The following TLK1 variants were observed in gnomAD, a reference collection of about 807,000 sequenced individuals.
The protein encoded by TLK1 is serine/threonine-protein kinase tousled-like 1.
In TLK1, 24 loss-of-function variants were observed where a neutral mutation model predicts 105.3. The observed-to-expected ratio is 0.23, with a 90% confidence interval of 0.17 to 0.32. The LOEUF (loss-of-function observed/expected upper bound fraction) is 0.32, where lower values mean the gene tolerates loss of function less well. Among genes scored for constraint, TLK1 ranks in the 10% least tolerant of loss-of-function variants. TLK1 has a pLI of 1.00. For synonymous variants in TLK1, 321 were observed against 310.4 expected (o/e 1.03, Z -0.36); for missense variants, 558 against 910.5 (o/e 0.61, Z 4.98).
chr2:171,073,879 C>CG lies in TLK1; in HGVS notation c.330+8901_330+8902insC, dbSNP rs951331241. 5.8e-4 allele frequency among the ~76,000 whole-genome samples: 56 copies of CG among 97,048 alleles called. 2 individuals carry two copies. Among genetic ancestry groups the CG allele is most frequent in the East Asian group, 3.5e-3 (4 of 1,140 alleles). 63.7% of individuals were successfully genotyped at this position (97,048 alleles called of 152,430 possible). ...AGAGAATAAACTTAACATTCCCCCC[C>CG]CCCCTCCTTTTTTTTTCTTTCTTTT... On this transcript the variant is annotated intron_variant, in intron 3 of 20. Coordinates refer to ENST00000431350, the MANE Select transcript of TLK1 (RefSeq NM_012290.5).
chr2:171,141,726 C>T (rs888884677), intron 1 of TLK1, among the ~76,000 whole-genome samples: 2 of 151,706 alleles, frequency 1.3e-5, no homozygotes, highest in African/African-American at 4.8e-5. Flanking sequence ...CAGCTCCCTC[C>T]CCCCAAAAAA....
At chr2:171,055,465 T>TA (rs931661220) in intron 6 of TLK1, among the ~76,000 whole-genome samples, 95 of 148,062 alleles carry the variant, frequency 6.4e-4, no homozygotes, top group East Asian at 6.3e-3. Context: ...TTCATACAGT[T>TA]AAAAAAAAAA....
intron 1 of TLK1, among the ~76,000 whole-genome samples, chr2:171,120,460 C>A (rs1690609949): frequency 6.6e-6 from 1 of 151,672 alleles, no homozygotes; most frequent in African/African-American, 2.4e-5. Flanking sequence ...AAAAAAAACC[C>A]AATTAAAAAA....
At chr2:171,191,341 G>A (rs115230577) in intron 1 of TLK1, among the ~76,000 whole-genome samples, 5,602 of 151,966 alleles carry the variant, frequency 0.037, 343 homozygotes, top group African/African-American at 0.13. Context: ...GGCCAAGGTG[G>A]AAGTTTCACT....
At chr2:171,218,383 T>C (rs1471819956) in intron 1 of TLK1, among the ~76,000 whole-genome samples, 1 of 152,208 alleles carries the variant, frequency 6.6e-6, no homozygotes, top group African/African-American at 2.4e-5. Flanking sequence ...GAATAGAATG[T>C]CGTTTAATGG....
chr2:171,037,138 T>C (rs753238267), intron 11 of TLK1, among the ~76,000 whole-genome samples: 4 of 151,568 alleles, frequency 2.6e-5, no homozygotes, highest in Admixed American at 6.6e-5. Context: ...GAAGAAGAAA[T>C]AGGGTATTAA....
chr2:171,138,865 C>G (rs997273101), intron 1 of TLK1, among the ~76,000 whole-genome samples: 2 of 152,038 alleles, frequency 1.3e-5, no homozygotes, highest in Non-Finnish European at 2.9e-5. Context: ...AGTTACAACT[C>G]GTACAATACA....
chr2:171,143,823 G>C (rs60928633), intron 1 of TLK1, among the ~76,000 whole-genome samples: 10,456 of 152,012 alleles, frequency 0.069, 767 homozygotes, highest in East Asian at 0.3. Context: ...ACAAAACAAA[G>C]TGGCAGACAA....
intron 12 of TLK1, among the ~76,000 whole-genome samples, chr2:171,027,151 T>G (rs754348318): frequency 6.6e-6 from 1 of 152,142 alleles, no homozygotes; most frequent in African/African-American, 2.4e-5. Context: ...AGTGTAATAG[T>G]AGCTGCTACC....
chr2:171,227,595 T>G (rs1204538963), intron 1 of TLK1, among the ~76,000 whole-genome samples: 1 of 128,052 alleles, frequency 7.8e-6, no homozygotes, highest in African/African-American at 3.0e-5. Context: ...TTTTTTTTTT[T>G]TTTGTTTAAG....
upstream of TLK1, among the ~76,000 whole-genome samples, chr2:171,165,546 TCTTAA>T (rs1161226177): frequency 6.8e-6 from 1 of 148,004 alleles, no homozygotes; most frequent in Non-Finnish European, 1.5e-5. Context: ...CATTTTATAC[TCTTAA>T]CTTCTAAATT....
intron 11 of TLK1, among the ~76,000 whole-genome samples, chr2:171,044,740 A>T (rs1212457581): frequency 2.0e-5 from 3 of 152,332 alleles, no homozygotes; most frequent in East Asian, 3.9e-4. Context: ...TGCCCATAGA[A>T]AGAGACTGAG....
At chr2:171,105,054 G>C (rs1689860062) in intron 2 of TLK1, among the ~76,000 whole-genome samples, 1 of 152,122 alleles carries the variant, frequency 6.6e-6, no homozygotes, top group African/African-American at 2.4e-5. Flanking sequence ...GAAACTACTA[G>C]AAGAAACCTT....
chr2:171,071,625 C>T (rs1688261263), intron 3 of TLK1, among the ~76,000 whole-genome samples: 3 of 151,526 alleles, frequency 2.0e-5, no homozygotes, highest in Admixed American at 6.6e-5. Context: ...CTGTGCTTGT[C>T]GGGTATTACT....
intron 2 of TLK1, among the ~76,000 whole-genome samples, chr2:171,094,931 G>C (rs1366811553): frequency 6.6e-6 from 1 of 152,102 alleles, no homozygotes; most frequent in Non-Finnish European, 1.5e-5. Context: ...TCTAAAGGGG[G>C]AGAAGAGGGT....
intron 1 of TLK1, among the ~76,000 whole-genome samples, chr2:171,166,406 G>T (rs1254239997): frequency 1.4e-4 from 22 of 152,336 alleles, no homozygotes; most frequent in Non-Finnish European, 2.4e-4. Flanking sequence ...AAACATCTGG[G>T]CTGGCCATCT....
chr2:171,113,292 C>G (rs1690263699), intron 2 of TLK1, among the ~76,000 whole-genome samples: 1 of 145,798 alleles, frequency 6.9e-6, no homozygotes, highest in Non-Finnish European at 1.5e-5. Context: ...TTTTTTGAGA[C>G]AGTGTCTCAC....
At chr2:171,090,068 T>C (rs13418838) in intron 2 of TLK1, among the ~76,000 whole-genome samples, 8,915 of 152,246 alleles carry the variant, frequency 0.059, 804 homozygotes, top group African/African-American at 0.19. Flanking sequence ...TTTATAACAT[T>C]GAGTCTTCCA....
intron 1 of TLK1, among the ~76,000 whole-genome samples, chr2:171,130,856 A>G (rs1691076970): frequency 6.6e-6 from 1 of 152,152 alleles, no homozygotes; most frequent in African/African-American, 2.4e-5. Flanking sequence ...CTAACGTGCT[A>G]TCAAGACTCC....
Sources: gnomAD v4.1 joint callset for allele counts (sites outside exome capture counted in the v4.1 genomes callset) on GRCh38, gnomAD v4.1.1 for gene constraint, MANE v1.5 for transcripts, NCBI Gene and HGNC (gene_info 2026-07-23, HGNC 2026-07-21) for gene names.